Variants in SLC4A10 observed in about 807,000 individuals in gnomAD.
SLC4A10 encodes the protein sodium-driven chloride bicarbonate exchanger.
In SLC4A10, 42 loss-of-function variants were observed where a neutral mutation model predicts 137.7. The observed-to-expected ratio is 0.30, with a 90% CI of 0.24 to 0.39. The LOEUF (loss-of-function observed/expected upper bound fraction) is 0.39, where lower values mean the gene tolerates loss of function less well. Ranked by LOEUF, SLC4A10 falls within the 10% of genes least tolerant of loss-of-function variation. SLC4A10 has a pLI of 1.00. For missense variants in SLC4A10, 925 were observed against 1,355.0 expected, an observed-to-expected ratio of 0.68 and a Z score of 4.98; for synonymous variants, 474 against 464.1, an observed-to-expected ratio of 1.02 and a Z score of -0.27.
chr2:161,699,585 T>A (rs1287729926), intron 1 of SLC4A10, among the ~76,000 whole-genome samples: 2 of 152,200 alleles, frequency 1.3e-5, no homozygotes, highest in Non-Finnish European at 2.9e-5. Context: ...ATCATACATA[T>A]GATTTGTCTT....
chr2:161,922,962 A>G (rs993216804), intron 15 of SLC4A10, among the ~76,000 whole-genome samples: 5 of 152,188 alleles, frequency 3.3e-5, no homozygotes, highest in African/African-American at 1.2e-4. Flanking sequence ...GGAAGGTACT[A>G]TTAATAACTA....
chr2:161,716,581 G>T (rs2044905444), intron 1 of SLC4A10, among the ~76,000 whole-genome samples: 1 of 152,036 alleles, frequency 6.6e-6, no homozygotes, highest in African/African-American at 2.4e-5. Context: ...TCCATTGCTT[G>T]TTTTTGTCAG....
Position 161,872,326 on chromosome 2 carries a change from C to A in SLC4A10, c.800C>A (p.Ala267Asp). 6.2e-7 allele frequency: 1 copy of A among 1,613,584 alleles called. No homozygotes were observed. The highest frequency in any genetic ancestry group is 8.5e-7 in the Non-Finnish European group (1 of 1,179,698). Reference sequence around the variant, plus strand: ...GTTGTTTCTCCTCAGTCTGCTCCAGCCTGTGTTGAAAATAAAAATGATGTT... The same window carrying A: ...GTTGTTTCTCCTCAGTCTGCTCCAGACTGTGTTGAAAATAAAAATGATGTT... ...GQVVSPQSAP[A>D]CVENKNDVSR... is the part of the protein sequence containing the mutation. The change falls in exon 7 of 27, where the codon GCC becomes GAC. Residue 267 changes from alanine (A) to aspartate (D), a missense_variant. Around this residue, in one of 11 missense-constraint regions of SLC4A10, gnomAD observed 277 missense variants for 306.1 expected, o/e 0.90. Coordinates refer to ENST00000446997, the MANE Select transcript of SLC4A10 (RefSeq NM_001178015.2).
intron 24 of SLC4A10, 44 bp from the exon 25 acceptor site, chr2:161,976,716 C>G: frequency 1.0e-6 from 1 of 992,990 alleles, no homozygotes; most frequent in East Asian, 2.8e-5. Context: ...ACTGCAGTTA[C>G]TTATGTAATG....
intron 4 of SLC4A10, among the ~76,000 whole-genome samples, chr2:161,851,243 A>G (rs934703721): frequency 6.6e-6 from 1 of 152,098 alleles, no homozygotes; most frequent in Non-Finnish European, 1.5e-5. Flanking sequence ...TCAAGTGTTA[A>G]GTTTAGGTCC....
chr2:161,774,185 G>A (rs2052028381), intron 2 of SLC4A10, among the ~76,000 whole-genome samples: 1 of 151,836 alleles, frequency 6.6e-6, no homozygotes, highest in Non-Finnish European at 1.5e-5. Flanking sequence ...AGCAATTTCT[G>A]TTTTTGGCCT....
chr2:161,676,509 A>G (rs747230025), intron 1 of SLC4A10, among the ~76,000 whole-genome samples: 70 of 152,270 alleles, frequency 4.6e-4, no homozygotes, highest in Non-Finnish European at 1.3e-4. Context: ...TTTTCTATCT[A>G]GGAAACTCAC....
At chr2:161,978,384 C>CAAAAAAAAAAAAAAAAAAA (rs61399867) in intron 26 of SLC4A10, among the ~76,000 whole-genome samples, 1 of 90,508 alleles carries the variant, frequency 1.1e-5, no homozygotes, top group Non-Finnish European at 2.1e-5. Flanking sequence ...GAGACTCTGT[C>CAAAAAAAAAAAAAAAAAAA]AAAAAAAAAA....
At chr2:161,737,423 C>CT (rs201323938) in intron 1 of SLC4A10, among the ~76,000 whole-genome samples, 8,760 of 143,852 alleles carry the variant, frequency 0.061, 325 homozygotes, top group Non-Finnish European at 0.083. Flanking sequence ...TACAGAATAG[C>CT]TTTTTTTTTT....
chr2:161,856,565 AAGAGAAAAT>A (rs773901014), intron 5 of SLC4A10, among the ~76,000 whole-genome samples: 4 of 152,146 alleles, frequency 2.6e-5, no homozygotes, highest in Non-Finnish European at 5.9e-5. Flanking sequence ...GCACTAAATC[AAGAGAAAAT>A]AGAGAAAATG....
Position 161,853,742 on chromosome 2 carries a change from A to G in SLC4A10, c.417-1228A>G, listed in dbSNP as rs529741268. On this transcript the variant is annotated intron_variant, in intron 4 of 26. Coordinates refer to ENST00000446997, the MANE Select transcript of SLC4A10 (RefSeq NM_001178015.2). ...TAAATGTAAGTTTTTTCAATATGGC[A>G]TATCTATTCTTACCTGATTGTAAAT... 3.9e-5 allele frequency among the ~76,000 whole-genome samples: 6 copies of G among 152,334 alleles called. No individual in the cohort carries two copies. The East Asian group carries it at 9.6e-4, about 24-fold the overall frequency.
chr2:161,753,609 T>C (rs558758596), intron 1 of SLC4A10, among the ~76,000 whole-genome samples: 1 of 152,218 alleles, frequency 6.6e-6, no homozygotes, highest in East Asian at 1.9e-4. Context: ...CACCTAATAT[T>C]GTCATAGCTA....
At chr2:161,726,628 G>A (rs919860918) in intron 1 of SLC4A10, among the ~76,000 whole-genome samples, 11 of 152,172 alleles carry the variant, frequency 7.2e-5, no homozygotes, top group African/African-American at 2.4e-4. Context: ...GAGAGAATTC[G>A]CCGGGTGCGG....
chr2:161,966,606 G>A (rs1697625662), intron 23 of SLC4A10, among the ~76,000 whole-genome samples: 1 of 151,956 alleles, frequency 6.6e-6, no homozygotes, highest in Admixed American at 6.6e-5. Flanking sequence ...AAAATTAGCT[G>A]GGCATGGTGG....
At chr2:161,819,079 C>T (rs145602516) in intron 3 of SLC4A10, among the ~76,000 whole-genome samples, 2 of 152,300 alleles carry the variant, frequency 1.3e-5, no homozygotes, top group African/African-American at 2.4e-5. Context: ...GTATAAGCAA[C>T]ATCAGCAGAA....
At chr2:161,827,656 C>G (rs1200868898) in intron 3 of SLC4A10, among the ~76,000 whole-genome samples, 2 of 151,996 alleles carry the variant, frequency 1.3e-5, no homozygotes, top group African/African-American at 4.8e-5. Flanking sequence ...AGCTCCGCCT[C>G]CTGGGTTCAC....
intron 3 of SLC4A10, among the ~76,000 whole-genome samples, chr2:161,825,945 T>A (rs1053895815): frequency 6.6e-6 from 1 of 152,216 alleles, no homozygotes; most frequent in Non-Finnish European, 1.5e-5. Flanking sequence ...CATATAATCT[T>A]ATATCCCATG....
At chr2:161,644,276 C>T (rs1344443569) in intron 1 of SLC4A10, among the ~76,000 whole-genome samples, 3 of 152,018 alleles carry the variant, frequency 2.0e-5, no homozygotes, top group African/African-American at 4.8e-5. Flanking sequence ...GTGAGAAGAT[C>T]GCTTGAGTTC....
At chr2:161,964,087 T>C (rs1307971693) in intron 21 of SLC4A10, 48 bp from the exon 22 acceptor site, 1 of 1,493,160 alleles carries the variant, frequency 6.7e-7, no homozygotes, top group East Asian at 2.4e-5. Flanking sequence ...GTCCTACTTT[T>C]ATTGTTGTCT....
Sources: gnomAD v4.1 joint callset for allele counts (sites outside exome capture counted in the v4.1 genomes callset) on GRCh38, gnomAD v4.1.1 for gene constraint, gnomAD v4.1.1 regional missense constraint, MANE v1.5 for transcripts, NCBI Gene and HGNC (gene_info 2026-07-23, HGNC 2026-07-21) for gene names.